Variants in TRPC5 observed in about 807,000 individuals in gnomAD.
TRPC5 encodes short transient receptor potential channel 5.
In TRPC5, 9 loss-of-function variants were observed where a neutral mutation model predicts 56.5. The ratio of observed to expected loss-of-function variants is 0.16; its 90% CI spans 0.10 to 0.28. The LOEUF (loss-of-function observed/expected upper bound fraction) is 0.28, where lower values mean the gene tolerates loss of function less well. Among genes scored for constraint, TRPC5 ranks in the 10% least tolerant of loss-of-function variants. TRPC5 has a pLI of 1.00. For missense variants in TRPC5, 469 were observed against 748.9 expected, an observed-to-expected ratio of 0.63 and a Z score of 4.36; for synonymous variants, 282 against 278.5, an observed-to-expected ratio of 1.01 and a Z score of -0.13.
chrX:111,782,791 A>G (rs1945929850), intron 7 of TRPC5, among the ~76,000 whole-genome samples: 1 of 91,274 alleles, frequency 1.1e-5, no homozygotes, highest in Non-Finnish European at 2.2e-5. Context: ...TACCCATGTA[A>G]CAATCATTAT....
At chrX:111,952,583 A>G in intron 1 of TRPC5, 142 bp from the exon 2 acceptor site, 1 of 614,134 alleles carries the variant, frequency 1.6e-6, no homozygotes, top group Non-Finnish European at 2.4e-6. Flanking sequence ...CTTACAAAGA[A>G]GTATAACAGA....
At chrX:111,962,801 T>C (rs1476168316) in intron 1 of TRPC5, among the ~76,000 whole-genome samples, 3 of 112,346 alleles carry the variant, frequency 2.7e-5, no homozygotes, top group Non-Finnish European at 3.8e-5. Context: ...TCAATCGATG[T>C]GGCAAACTTA....
intron 3 of TRPC5, among the ~76,000 whole-genome samples, chrX:111,869,571 GAA>G (rs1923669047): frequency 2.7e-5 from 3 of 112,337 alleles, no homozygotes; most frequent in Non-Finnish European, 5.6e-5. Flanking sequence ...GGAGGAGGTT[GAA>G]AACTGTTTTA....
At chrX:111,800,079 T>G (rs1221647418) in intron 7 of TRPC5, among the ~76,000 whole-genome samples, 1 of 110,899 alleles carries the variant, frequency 9.0e-6, no homozygotes, top group Non-Finnish European at 1.9e-5. Context: ...ATAGAAAAAT[T>G]TTTACAGAAA....
At position 111,924,468 on chromosome X, in the gene TRPC5, T is replaced by TA. The variant is rs1387462193; in HGVS notation, c.379-11657dup. Among the ~76,000 whole-genome samples the TA allele has an allele frequency of 3.7e-3, 377 of 101,328 alleles. 2 individuals carry two copies. The highest frequency in any genetic ancestry group is 0.012 in the African/African-American group (330 of 28,304). The allele number at this position is 101,328 out of a possible 115,157, so 88.0% of individuals were successfully genotyped here. A position where few individuals can be genotyped will look rare whatever the true frequency, so the allele number is the denominator to read the frequency against. On this transcript the variant is annotated intron_variant, in intron 2 of 10. Coordinates refer to ENST00000262839, the MANE Select transcript of TRPC5 (RefSeq NM_012471.3). ...TAGCCTCACGGTAAGGAGAGGCCTT[T>TA]AAAAAAAAAAAAGAGGTAAAAAGGA...
chrX:111,973,922 T>C (rs899660518), intron 1 of TRPC5, among the ~76,000 whole-genome samples: 1 of 111,538 alleles, frequency 9.0e-6, no homozygotes, highest in African/African-American at 3.3e-5. Flanking sequence ...ATATATACAA[T>C]ATAAGTTGGC....
chrX:111,837,806 T>C (rs982158608), intron 6 of TRPC5, among the ~76,000 whole-genome samples: 3 of 108,284 alleles, frequency 2.8e-5, no homozygotes, highest in African/African-American at 6.8e-5. Flanking sequence ...GCATGGTGGC[T>C]CATGCCTATA....
chrX:111,776,420 G>A lies in TRPC5; in HGVS notation c.2815C>T (p.Leu939Phe). The A allele has an allele frequency of 8.3e-7, 1 of 1,211,491 alleles. No homozygotes were observed. The highest frequency in any genetic ancestry group is 1.1e-6 in the Non-Finnish European group (1 of 895,412). ...ASSICSSNSK[L>F]LDSSEDVFET... Reference sequence around the variant, plus strand: ...AATACATCCTCTGAGGAGTCTAAAAGTTTAGAATTTGAGGAGCAGATGCTG... The same window carrying A: ...AATACATCCTCTGAGGAGTCTAAAAATTTAGAATTTGAGGAGCAGATGCTG... The change falls in exon 11 of 11, where the codon CTT becomes TTT. Residue 939 changes from leucine (L) to phenylalanine (F), a missense_variant. Around this residue, in one of 3 missense-constraint regions of TRPC5, gnomAD observed 194 missense variants for 221.8 expected, o/e 0.87. Coordinates refer to ENST00000262839, the MANE Select transcript of TRPC5 (RefSeq NM_012471.3).
intron 1 of TRPC5, among the ~76,000 whole-genome samples, chrX:112,081,257 T>TAGGG (rs956377636): frequency 2.7e-5 from 3 of 112,028 alleles, no homozygotes; most frequent in African/African-American, 6.5e-5. Context: ...GATGTGTGTC[T>TAGGG]AGGGAGGGAG....
chrX:112,060,303 A>T (rs1160041084), intron 1 of TRPC5, among the ~76,000 whole-genome samples: 1 of 111,815 alleles, frequency 8.9e-6, no homozygotes, highest in East Asian at 2.8e-4. Context: ...ATTATATACC[A>T]ATTCAGGGAG....
chrX:111,879,237 A>G (rs2148598095), intron 3 of TRPC5, among the ~76,000 whole-genome samples: 1 of 112,259 alleles, frequency 8.9e-6, no homozygotes, highest in Admixed American at 9.4e-5. Flanking sequence ...TGTAAAAAAA[A>G]GGTAGAGAAG....
chrX:111,853,674 C>A (rs1225497084), intron 4 of TRPC5, 96 bp downstream of exon 4: 20 of 859,814 alleles, frequency 2.3e-5, no homozygotes, highest in Non-Finnish European at 3.2e-5. Context: ...GGTGGGGGTG[C>A]CCTAGTTCAG....
intron 7 of TRPC5, among the ~76,000 whole-genome samples, chrX:111,795,039 T>G (rs1414649766): frequency 8.9e-6 from 1 of 111,784 alleles, no homozygotes; most frequent in Non-Finnish European, 1.9e-5. Context: ...GGAAGTTTTT[T>G]TGTAGATTCC....
chrX:111,940,274 G>A (rs1041450540), intron 2 of TRPC5, among the ~76,000 whole-genome samples: 5 of 111,579 alleles, frequency 4.5e-5, no homozygotes, highest in East Asian at 2.8e-4. Flanking sequence ...GAGAAGATGC[G>A]GAGTCTCTGT....
chrX:112,011,665 G>T (rs1012792190), intron 1 of TRPC5, among the ~76,000 whole-genome samples: 4 of 111,481 alleles, frequency 3.6e-5, no homozygotes, highest in Non-Finnish European at 7.5e-5. Context: ...AAAGAAAAGA[G>T]TGGGGTCAGG....
intron 1 of TRPC5, among the ~76,000 whole-genome samples, chrX:111,953,596 G>A (rs888196089): frequency 8.9e-6 from 1 of 111,881 alleles, no homozygotes; most frequent in African/African-American, 3.3e-5. Flanking sequence ...TCATCCCTGA[G>A]GCCTCCAGGC....
intron 7 of TRPC5, among the ~76,000 whole-genome samples, chrX:111,824,984 A>G (rs764383682): frequency 1.5e-4 from 17 of 111,244 alleles, no homozygotes; most frequent in African/African-American, 4.2e-4. Context: ...AATTTGACCA[A>G]TTCTTCAAGG....
intron 1 of TRPC5, among the ~76,000 whole-genome samples, chrX:112,048,211 T>C (rs963349383): frequency 1.8e-5 from 2 of 111,485 alleles, no homozygotes; most frequent in Admixed American, 9.5e-5. Context: ...TCTACTGACA[T>C]GGCATCATGC....
At chrX:111,886,665 C>G (rs1924512211) in intron 3 of TRPC5, among the ~76,000 whole-genome samples, 1 of 111,390 alleles carries the variant, frequency 9.0e-6, no homozygotes, top group African/African-American at 3.3e-5. Context: ...TGGATATACC[C>G]CTGGTATAAT....
Sources: allele counts gnomAD v4.1 joint callset (sites outside exome capture counted in the v4.1 genomes callset), GRCh38; gene constraint gnomAD v4.1.1; regional missense constraint gnomAD v4.1.1; transcripts MANE v1.5; gene names NCBI Gene and HGNC (gene_info 2026-07-23, HGNC 2026-07-21).